The following CSRP3 variants were observed in gnomAD, a reference collection of about 807,000 sequenced individuals.
CSRP3 encodes cysteine and glycine rich protein 3.
Under a neutral mutation model 24.3 loss-of-function variants are expected in CSRP3, and 24 were observed. The observed-to-expected ratio is 0.99, with a 90% CI of 0.71 to 1.39. The LOEUF is 1.39. CSRP3 is among the 40% of genes most tolerant of loss of function. The probability of loss-of-function intolerance (pLI) is 0.00; values close to 1 mark genes in which losing one functional copy is unlikely to be tolerated. For missense variants in CSRP3, 240 were observed against 249.0 expected (o/e 0.96, Z 0.24); for synonymous variants, 105 against 94.0 (o/e 1.12, Z -0.68).
intron 3 of CSRP3, among the ~76,000 whole-genome samples, chr11:19,187,013 G>C (rs1850537696): frequency 6.6e-6 from 1 of 152,230 alleles, no homozygotes; most frequent in Non-Finnish European, 1.5e-5. Context: ...TTGGAGGAGA[G>C]TGAGGATCAG....
chr11:19,188,638 G>GTC, intron 2 of CSRP3, among the ~76,000 whole-genome samples: 1 of 151,824 alleles, frequency 6.6e-6, no homozygotes, highest in African/African-American at 2.4e-5. Context: ...GTGTGTGTGT[G>GTC]TGTGTGTGTG....
chr11:19,193,824 T>C (rs1427429218), intron 1 of CSRP3, among the ~76,000 whole-genome samples: 1 of 152,160 alleles, frequency 6.6e-6, no homozygotes, highest in Admixed American at 6.5e-5. Context: ...TCTCAAAAAA[T>C]AAATAAATAA....
chr11:19,193,470 A>G (rs951128286), intron 1 of CSRP3, among the ~76,000 whole-genome samples: 18 of 152,178 alleles, frequency 1.2e-4, no homozygotes, highest in Admixed American at 1.0e-3. Flanking sequence ...TCTCCTCACC[A>G]CAGGATTACA....
Position 19,182,479 on chromosome 11 carries a change from T to C in CSRP3, c.*191A>G. 1 of 632,820 alleles carries C rather than the reference T, an allele frequency of 1.6e-6. No individual in the cohort carries two copies. 39.2% of individuals were successfully genotyped at this position (632,820 alleles called of 1,614,324 possible). ...ATTATAAATAATAAAGCATTTGTTA[T>C]AGATTAAACTTTACATAATTTTCTT... is the stretch of plus-strand genomic sequence containing the variant. On this transcript the variant is annotated 3_prime_UTR_variant, in exon 6 of 6. Transcript: ENST00000265968.
chr11:19,182,775 G>A lies in CSRP3; in HGVS notation c.509-29C>T, dbSNP rs1850458540. ...TGAATGAGAAGAGGATGAAGGGAGAGACAATGCATTGGTTAGTGCCATTTT... is the reference window on the plus strand; with the variant it reads ...TGAATGAGAAGAGGATGAAGGGAGAAACAATGCATTGGTTAGTGCCATTTT... On this transcript the variant is annotated intron_variant, in intron 5 of 5. Coordinates refer to ENST00000265968, the MANE Select transcript of CSRP3 (RefSeq NM_003476.5). 2.0e-6 allele frequency: 3 copies of A among 1,524,274 alleles called. No homozygotes were observed. The East Asian group carries it at 6.7e-5, about 34-fold the overall frequency. 94.4% of individuals were successfully genotyped at this position (1,524,274 alleles called of 1,614,324 possible).
intron 3 of CSRP3, among the ~76,000 whole-genome samples, chr11:19,187,529 G>C (rs917430762): frequency 1.3e-5 from 2 of 152,226 alleles, no homozygotes; most frequent in Non-Finnish European, 2.9e-5. Flanking sequence ...GTGGACCCAG[G>C]GGACCAGACT....
At chr11:19,198,708 A>G (rs2133526574) in intron 1 of CSRP3, among the ~76,000 whole-genome samples, 1 of 146,582 alleles carries the variant, frequency 6.8e-6, no homozygotes, top group East Asian at 2.0e-4. Flanking sequence ...GAAAGATGAC[A>G]TAGCCACAGT....
chr11:19,199,733 C>A (rs1850804823), intron 1 of CSRP3, among the ~76,000 whole-genome samples: 1 of 152,188 alleles, frequency 6.6e-6, no homozygotes, highest in Admixed American at 6.5e-5. Context: ...TCATGATCAA[C>A]CCTTTCCCAC....
intron 2 of CSRP3, among the ~76,000 whole-genome samples, chr11:19,189,008 A>G (rs1850576264): frequency 6.6e-6 from 1 of 152,178 alleles, no homozygotes. Flanking sequence ...TTAAAAGGAA[A>G]CTTTTAAAGA....
At chr11:19,193,104 T>C (rs1471044298) in intron 1 of CSRP3, among the ~76,000 whole-genome samples, 3 of 152,168 alleles carry the variant, frequency 2.0e-5, no homozygotes, top group African/African-American at 7.2e-5. Flanking sequence ...ATTCCTCATA[T>C]CCATACATTC....
Position 19,187,484 on chromosome 11 carries a change from A to T in CSRP3, c.281+652T>A, listed in dbSNP as rs374445438. ...GCCAGTGGCCATCAGACTTTCCTCA[A>T]TTCTGGGCTGGAGGTCAATGTGGTT... On this transcript the variant is annotated intron_variant, in intron 3 of 5. Transcript: ENST00000265968. Among the ~76,000 whole-genome samples the T allele has an allele frequency of 3.4e-4, 52 of 152,316 alleles. 1 individual carries two copies. Among genetic ancestry groups the T allele is most frequent in the African/African-American group, 1.2e-3 (50 of 41,576 alleles).
chr11:19,201,703 T>G (rs1336949008), intron 1 of CSRP3, among the ~76,000 whole-genome samples: 1 of 152,210 alleles, frequency 6.6e-6, no homozygotes, highest in Non-Finnish European at 1.5e-5. Context: ...ATGAGGATAA[T>G]TCTTTACTCA....
chr11:19,188,045 C>A (rs1850554754), intron 3 of CSRP3, 91 bp downstream of exon 3: 1 of 1,488,026 alleles, frequency 6.7e-7, no homozygotes, highest in African/African-American at 1.4e-5. Flanking sequence ...TCCATTCTCC[C>A]ACTTCCAGAA....
At chr11:19,188,672 A>T (rs1324686720) in intron 2 of CSRP3, among the ~76,000 whole-genome samples, 3 of 146,812 alleles carry the variant, frequency 2.0e-5, no homozygotes, top group Non-Finnish European at 3.0e-5. Context: ...GCGCGTTGGC[A>T]GGGGGTGGGT....
At chr11:19,198,725 C>T (rs1313554364) in intron 1 of CSRP3, among the ~76,000 whole-genome samples, 2 of 126,594 alleles carry the variant, frequency 1.6e-5, no homozygotes, top group Non-Finnish European at 1.9e-5. Context: ...CAGTGAAAAC[C>T]ATGGGCTTTG....
intron 3 of CSRP3, among the ~76,000 whole-genome samples, chr11:19,187,896 A>G (rs941795960): frequency 6.6e-6 from 1 of 152,224 alleles, no homozygotes; most frequent in Non-Finnish European, 1.5e-5. Context: ...TTCTCTTGAC[A>G]TGCAAACCAA....
Position 19,184,991 on chromosome 11 carries a change from T to C in CSRP3, c.469A>G (p.Thr157Ala). 1 of 1,614,210 alleles carries C rather than the reference T, an allele frequency of 6.2e-7. No homozygotes were observed. Among genetic ancestry groups the C allele is most frequent in the South Asian group, 1.1e-5 (1 of 91,088 alleles). The change falls in exon 5 of 6, where the codon ACA becomes GCA. Residue 157 changes from threonine (T) to alanine (A), a missense_variant. Thr to Ala is a moderately conservative substitution (Grantham distance 58). Transcript: ENST00000265968. ...CAICGKSLES[T>A]NVTDKDGELY... ...TCCCCATCTTTGTCAGTGACATTTG[T>C]GGACTCCAGACTCTTCCCACAGATG...
chr11:19,183,066 G>A (rs2133504343), intron 5 of CSRP3, among the ~76,000 whole-genome samples: 1 of 152,236 alleles, frequency 6.6e-6, no homozygotes, highest in East Asian at 1.9e-4. Context: ...GCTGAGGCAG[G>A]AGAATTGCTT....
chr11:19,197,506 T>TCTTTCTTTCTTTCTTTCTTC (rs1850750287), intron 1 of CSRP3, among the ~76,000 whole-genome samples: 2 of 58,058 alleles, frequency 3.4e-5, no homozygotes, highest in East Asian at 1.1e-3. Flanking sequence ...TTTTCCTCTT[T>TCTTTCTTTCTTTCTTTCTTC]CTTTCTTTCT....
Sources: allele counts gnomAD v4.1 joint callset (sites outside exome capture counted in the v4.1 genomes callset), GRCh38; gene constraint gnomAD v4.1.1; transcripts MANE v1.5; gene names NCBI Gene and HGNC (gene_info 2026-07-23, HGNC 2026-07-21).